The following LINGO2 variants were observed in gnomAD, a reference collection of about 807,000 sequenced individuals.
The protein encoded by LINGO2 is leucine rich repeat and Ig domain containing 2.
A neutral mutation model predicts 30.6 loss-of-function variants in LINGO2; 14 were observed. The observed-to-expected ratio is 0.46, with a 90% confidence interval of 0.30 to 0.72. The LOEUF (loss-of-function observed/expected upper bound fraction) is 0.72. LINGO2 is among the 30% of genes least tolerant of loss of function. The pLI is 0.07. For missense variants in LINGO2, 729 were observed against 751.7 expected (o/e 0.97, Z 0.35); for synonymous variants, 317 against 288.5 (o/e 1.10, Z -1.00).
At chr9:28,847,057 G>A in the LINGO2 span, among the ~76,000 whole-genome samples, 9 of 145,530 alleles carry the variant, frequency 6.2e-5, 1 homozygote, top group East Asian at 1.8e-3. Flanking sequence ...TATTTCAGTA[G>A]CCCCAACAAG....
chr9:28,018,046 T>C (rs1161406164), intron 4 of LINGO2, among the ~76,000 whole-genome samples: 1 of 151,834 alleles, frequency 6.6e-6, no homozygotes, highest in Non-Finnish European at 1.5e-5. Flanking sequence ...CGCCTGAAAA[T>C]AATGCCATAT....
the LINGO2 span, among the ~76,000 whole-genome samples, chr9:28,952,811 G>A: frequency 5.9e-5 from 9 of 152,126 alleles, no homozygotes; most frequent in East Asian, 1.9e-4. Flanking sequence ...AGATCAAAAC[G>A]CATGCCCATA....
At chr9:29,010,052 T>C in the LINGO2 span, among the ~76,000 whole-genome samples, 1 of 152,118 alleles carries the variant, frequency 6.6e-6, no homozygotes, top group Non-Finnish European at 1.5e-5. Context: ...AATACTTAAA[T>C]GTTAGACCTA....
At chr9:28,310,987 G>C (rs1475632761) in intron 3 of LINGO2, among the ~76,000 whole-genome samples, 1 of 152,114 alleles carries the variant, frequency 6.6e-6, no homozygotes, top group Non-Finnish European at 1.5e-5. Flanking sequence ...AATTCAGCCA[G>C]ATATTGGGCG....
chr9:28,998,999 CA>C, the LINGO2 span, among the ~76,000 whole-genome samples: 1 of 152,044 alleles, frequency 6.6e-6, no homozygotes, highest in Admixed American at 6.6e-5. Context: ...TCAAGCAAAC[CA>C]TGAGTCAGGC....
At chr9:28,183,310 G>T (rs1308895703) in intron 4 of LINGO2, among the ~76,000 whole-genome samples, 1 of 152,066 alleles carries the variant, frequency 6.6e-6, no homozygotes, top group Non-Finnish European at 1.5e-5. Context: ...GTTGAGGGGT[G>T]GGGGGCGAGG....
chr9:28,848,594 C>A, the LINGO2 span, among the ~76,000 whole-genome samples: 3 of 150,472 alleles, frequency 2.0e-5, no homozygotes, highest in Non-Finnish European at 4.4e-5. Context: ...CAACAAGACC[C>A]TCTGCTTTTT....
At chr9:28,415,518 C>A (rs1822931167) in intron 2 of LINGO2, among the ~76,000 whole-genome samples, 1 of 152,150 alleles carries the variant, frequency 6.6e-6, no homozygotes, top group Non-Finnish European at 1.5e-5. Flanking sequence ...GATGCTCTTG[C>A]TGGAGCTCAC....
intron 4 of LINGO2, among the ~76,000 whole-genome samples, chr9:28,049,142 C>T (rs1455182479): frequency 6.6e-6 from 1 of 150,872 alleles, no homozygotes; most frequent in East Asian, 2.0e-4. Flanking sequence ...ATGCCTTTAT[C>T]CTAGTCAGCA....
At chr9:28,918,056 A>T in the LINGO2 span, among the ~76,000 whole-genome samples, 19 of 152,168 alleles carry the variant, frequency 1.2e-4, no homozygotes, top group Non-Finnish European at 2.6e-4. Flanking sequence ...CATCCCTTAC[A>T]GATACACTGT....
intron 1 of LINGO2, among the ~76,000 whole-genome samples, chr9:28,479,334 G>C (rs1459622107): frequency 6.6e-6 from 1 of 151,560 alleles, no homozygotes; most frequent in Non-Finnish European, 1.5e-5. Context: ...AGATATTTTA[G>C]GTAGCCAATT....
intron 3 of LINGO2, among the ~76,000 whole-genome samples, chr9:28,347,800 G>C (rs1447467666): frequency 6.6e-6 from 1 of 152,198 alleles, no homozygotes; most frequent in Non-Finnish European, 1.5e-5. Flanking sequence ...AACCACTTAA[G>C]TGGGAAGACA....
chr9:28,988,598 A>G, the LINGO2 span, among the ~76,000 whole-genome samples: 1 of 152,164 alleles, frequency 6.6e-6, no homozygotes, highest in Non-Finnish European at 1.5e-5. Context: ...TGTTGTATTG[A>G]TACATTACCC....
chr9:28,835,649 TC>T, the LINGO2 span, among the ~76,000 whole-genome samples: 1 of 152,220 alleles, frequency 6.6e-6, no homozygotes, highest in African/African-American at 2.4e-5. Context: ...GAGCCACTGA[TC>T]AACTGAACAA....
intron 4 of LINGO2, among the ~76,000 whole-genome samples, chr9:28,183,910 C>T (rs1819447715): frequency 6.6e-6 from 1 of 152,198 alleles, no homozygotes; most frequent in Admixed American, 6.5e-5. Flanking sequence ...TCATATGTTG[C>T]AGCCTCCTTC....
At chr9:29,160,411 AG>A in the LINGO2 span, among the ~76,000 whole-genome samples, 3 of 152,224 alleles carry the variant, frequency 2.0e-5, no homozygotes, top group Admixed American at 1.3e-4. Context: ...GATCAATTAA[AG>A]GGGGGCAATA....
intron 4 of LINGO2, among the ~76,000 whole-genome samples, chr9:28,054,383 C>A (rs918510743): frequency 2.6e-5 from 4 of 152,044 alleles, no homozygotes; most frequent in Admixed American, 2.6e-4. Flanking sequence ...GCCGAAAGAT[C>A]AGTAGTAGCT....
the LINGO2 span, among the ~76,000 whole-genome samples, chr9:28,815,578 T>C: frequency 6.6e-6 from 1 of 152,038 alleles, no homozygotes; most frequent in Non-Finnish European, 1.5e-5. Flanking sequence ...TAAAATGAAA[T>C]GTAGAAAATA....
intron 4 of LINGO2, among the ~76,000 whole-genome samples, chr9:28,019,563 C>T (rs555436501): frequency 1.3e-5 from 2 of 152,088 alleles, no homozygotes; most frequent in Admixed American, 6.5e-5. Context: ...CTCATATTTG[C>T]TATGAGTAAA....
Sources: gnomAD v4.1 joint callset for allele counts (sites outside exome capture counted in the v4.1 genomes callset) on GRCh38, gnomAD v4.1.1 for gene constraint, MANE v1.5 for transcripts, NCBI Gene and HGNC (gene_info 2026-07-23, HGNC 2026-07-21) for gene names.